Variants in CRY1 observed in about 807,000 individuals in gnomAD.
CRY1 encodes the protein cryptochrome-1.
Under a neutral mutation model 76.0 loss-of-function variants are expected in CRY1, and 45 were observed. The observed-to-expected ratio is 0.59, with a 90% CI of 0.47 to 0.76. The LOEUF is 0.76. Among genes scored for constraint, CRY1 ranks in the 30% least tolerant of loss-of-function variants. The pLI is 0.00. For synonymous variants in CRY1, 248 were observed against 244.0 expected (o/e 1.02, Z -0.15); for missense variants, 587 against 716.4 (o/e 0.82, Z 2.06).
At chr12:107,001,064 T>C (rs1593494129) in intron 5 of CRY1, among the ~76,000 whole-genome samples, 1 of 152,156 alleles carries the variant, frequency 6.6e-6, no homozygotes, top group Middle Eastern at 3.4e-3. Flanking sequence ...AGTGCGGTAG[T>C]AGCTAAAGGG....
At chr12:107,079,387 T>G (rs550969027) in intron 1 of CRY1, among the ~76,000 whole-genome samples, 4 of 151,858 alleles carry the variant, frequency 2.6e-5, no homozygotes, top group Non-Finnish European at 4.4e-5. Context: ...GCAGAATAAG[T>G]GAAGTTCAGA....
intron 1 of CRY1, among the ~76,000 whole-genome samples, chr12:107,049,284 T>C (rs1952888250): frequency 6.6e-6 from 1 of 152,226 alleles, no homozygotes; most frequent in Non-Finnish European, 1.5e-5. Context: ...GAATTGACTT[T>C]TGCATTAAGG....
chr12:107,086,405 G>C (rs1449333490), intron 1 of CRY1, among the ~76,000 whole-genome samples: 1 of 132,562 alleles, frequency 7.5e-6, no homozygotes. Flanking sequence ...ATGAATAAAA[G>C]AGAGCCAGTT....
chr12:107,027,911 C>CA (rs1156469780), intron 1 of CRY1, among the ~76,000 whole-genome samples: 1 of 152,128 alleles, frequency 6.6e-6, no homozygotes, highest in African/African-American at 2.4e-5. Context: ...CTGCTGAACA[C>CA]AAGGCATTAA....
intron 1 of CRY1, among the ~76,000 whole-genome samples, chr12:107,059,111 T>C (rs533611671): frequency 6.6e-6 from 1 of 152,340 alleles, no homozygotes; most frequent in Non-Finnish European, 1.5e-5. Context: ...GTTTGGTGTA[T>C]GTAACTAAAA....
intron 1 of CRY1, among the ~76,000 whole-genome samples, chr12:107,061,440 C>A (rs1471841976): frequency 6.6e-6 from 1 of 151,400 alleles, no homozygotes; most frequent in African/African-American, 2.4e-5. Context: ...AGTTCAGTGG[C>A]GTGATCTTAG....
rs538510533 is a variant in CRY1, at chr12:106,999,839, G to C, written c.849C>G (p.Pro283=). The change falls in exon 7 of 13, where the codon CCC becomes CCG. Residue 283 remains proline, a synonymous_variant. Coordinates refer to ENST00000008527, the MANE Select transcript of CRY1 (RefSeq NM_004075.5). ...ATAACAGTTGCCCATAAAGGGAAAG[G>C]GGAGGGGAACTGTTCTTCTTTACCT... ...YKKVKKNSSP[P]LSLYGQLLWR... 1.9e-6 allele frequency: 3 copies of C among 1,613,068 alleles called. No individual in the cohort carries two copies. In the African/African-American group the frequency reaches 4.0e-5, roughly 22 times the overall value.
chr12:107,019,121 A>G (rs1446454102), intron 2 of CRY1, among the ~76,000 whole-genome samples: 1 of 152,252 alleles, frequency 6.6e-6, no homozygotes, highest in Non-Finnish European at 1.5e-5. Context: ...CAGCTAGTTA[A>G]TGACAGAAGA....
rs182618142 is a variant in CRY1, at chr12:107,030,985, T to C, written c.159-8793A>G. On this transcript the variant is annotated intron_variant, in intron 1 of 12. Transcript: ENST00000008527. Reference sequence around the variant, plus strand: ...TATGCTTTCTATACTAAGTTGTATATTCTCCCCAACACAAGCTTTAACATT... The same window carrying C: ...TATGCTTTCTATACTAAGTTGTATACTCTCCCCAACACAAGCTTTAACATT... Among the ~76,000 whole-genome samples, 17 of 152,306 alleles carry C rather than the reference T, an allele frequency of 1.1e-4. 1 individual carries two copies. Among genetic ancestry groups the C allele is most frequent in the Admixed American group, 9.2e-4 (14 of 15,294 alleles).
chr12:107,012,886 A>G (rs1400696026), intron 2 of CRY1, among the ~76,000 whole-genome samples: 2 of 152,228 alleles, frequency 1.3e-5, no homozygotes, highest in Non-Finnish European at 2.9e-5. Context: ...TAGCAATAGA[A>G]TTAAAACTAG....
At chr12:106,994,312 C>T (rs570248046) in intron 10 of CRY1, among the ~76,000 whole-genome samples, 3 of 152,294 alleles carry the variant, frequency 2.0e-5, no homozygotes, top group East Asian at 3.9e-4. Context: ...CATCTGACTA[C>T]CCAAATGCTA....
chr12:107,075,109 G>A (rs1315990640), intron 1 of CRY1, among the ~76,000 whole-genome samples: 2 of 152,132 alleles, frequency 1.3e-5, no homozygotes, highest in Admixed American at 1.3e-4. Context: ...TATACCCTGT[G>A]CAAAGCATAC....
chr12:107,005,603 T>C (rs1952364634), intron 2 of CRY1, among the ~76,000 whole-genome samples: 1 of 152,212 alleles, frequency 6.6e-6, no homozygotes, highest in African/African-American at 2.4e-5. Flanking sequence ...TTGGTTAGTA[T>C]TTCCATTTTG....
At chr12:107,035,759 T>C (rs1452096803) in intron 1 of CRY1, among the ~76,000 whole-genome samples, 2 of 152,232 alleles carry the variant, frequency 1.3e-5, no homozygotes, top group Non-Finnish European at 2.9e-5. Context: ...TATAATTTTA[T>C]GCAAAGCAGT....
chr12:107,068,102 C>T (rs552521520), intron 1 of CRY1, among the ~76,000 whole-genome samples: 11 of 152,236 alleles, frequency 7.2e-5, no homozygotes, highest in Admixed American at 7.2e-4. Context: ...TAAAGTGTTA[C>T]TGGAACACAG....
At chr12:106,997,214 G>C in intron 10 of CRY1, 80 bp downstream of exon 10, 2 of 1,236,780 alleles carry the variant, frequency 1.6e-6, no homozygotes, top group South Asian at 2.5e-5. Context: ...TATAAAATAT[G>C]TTAGTGAGGA....
intron 2 of CRY1, among the ~76,000 whole-genome samples, chr12:107,014,111 C>G (rs1952473092): frequency 6.6e-6 from 1 of 151,596 alleles, no homozygotes; most frequent in South Asian, 2.1e-4. Flanking sequence ...TTGGATGGAG[C>G]GTGCTGCCAC....
chr12:107,044,705 A>G (rs1952831649), intron 1 of CRY1, among the ~76,000 whole-genome samples: 1 of 152,236 alleles, frequency 6.6e-6, no homozygotes, highest in Non-Finnish European at 1.5e-5. Context: ...AAAACGCTGT[A>G]GCTGAAGAAT....
chr12:107,027,745 T>C (rs576600499), intron 1 of CRY1, among the ~76,000 whole-genome samples: 2 of 152,254 alleles, frequency 1.3e-5, no homozygotes, highest in Non-Finnish European at 2.9e-5. Context: ...CTAAAGTAGG[T>C]CATTGCTATA....
Sources: gnomAD v4.1 joint callset for allele counts (sites outside exome capture counted in the v4.1 genomes callset) on GRCh38, gnomAD v4.1.1 for gene constraint, MANE v1.5 for transcripts, NCBI Gene and HGNC (gene_info 2026-07-23, HGNC 2026-07-21) for gene names.